The following FAM13B variants were observed in gnomAD, a reference collection of about 807,000 sequenced individuals.
FAM13B encodes family with sequence similarity 13 member B.
Under a neutral mutation model 117.3 loss-of-function variants are expected in FAM13B, and 60 were observed. The observed-to-expected ratio is 0.51, with a 90% confidence interval of 0.42 to 0.63. The LOEUF (loss-of-function observed/expected upper bound fraction) is 0.63, where lower values mean the gene tolerates loss of function less well. Ranked by LOEUF, FAM13B falls within the 30% of genes least tolerant of loss-of-function variation. The pLI is 0.00. For synonymous variants in FAM13B, 332 were observed against 356.1 expected, an observed-to-expected ratio of 0.93 and a Z score of 0.76; for missense variants, 972 against 1,091.9, an observed-to-expected ratio of 0.89 and a Z score of 1.55.
At chr5:138,002,664 A>T (rs1202332505) in intron 7 of FAM13B, among the ~76,000 whole-genome samples, 34 of 120,288 alleles carry the variant, frequency 2.8e-4, no homozygotes, top group Admixed American at 6.9e-4. Context: ...TGTTCCCTCT[A>T]TTTTTTTTTT....
At chr5:138,026,111 A>G (rs1016205422) in intron 1 of FAM13B, among the ~76,000 whole-genome samples, 38 of 152,172 alleles carry the variant, frequency 2.5e-4, no homozygotes, top group African/African-American at 8.4e-4. Context: ...GACTTTAACT[A>G]TATCAACTCA....
intron 10 of FAM13B, among the ~76,000 whole-genome samples, chr5:137,970,080 C>A (rs1771577948): frequency 1.3e-5 from 2 of 151,936 alleles, no homozygotes; most frequent in African/African-American, 2.4e-5. Flanking sequence ...GCAAGGCAGG[C>A]CAACGTTCAG....
At chr5:137,978,503 GA>G (rs766022340) in intron 10 of FAM13B, among the ~76,000 whole-genome samples, 177 of 139,336 alleles carry the variant, frequency 1.3e-3, no homozygotes, top group Admixed American at 1.4e-3. Context: ...CAAAGGCAAA[GA>G]AAAAAAAAAA....
intron 1 of FAM13B, among the ~76,000 whole-genome samples, chr5:138,028,388 T>C (rs2151054571): frequency 6.6e-6 from 1 of 152,312 alleles, no homozygotes; most frequent in Non-Finnish European, 1.5e-5. Context: ...ATACACTTCA[T>C]TTTTTCAGGT....
chr5:137,971,690 A>T (rs1339897169), intron 10 of FAM13B, among the ~76,000 whole-genome samples: 1 of 151,458 alleles, frequency 6.6e-6, no homozygotes, highest in Non-Finnish European at 1.5e-5. Context: ...TTTTGAAAGG[A>T]TCAACAAAAT....
chr5:138,018,851 T>C (rs1785894379), intron 3 of FAM13B, 104 bp downstream of exon 3: 1 of 891,588 alleles, frequency 1.1e-6, no homozygotes, highest in Non-Finnish European at 1.7e-6. Flanking sequence ...TCCTATGTTT[T>C]GGACTTTCCA....
intron 10 of FAM13B, among the ~76,000 whole-genome samples, chr5:137,969,583 A>T (rs1424074047): frequency 6.6e-6 from 1 of 152,262 alleles, no homozygotes; most frequent in East Asian, 1.9e-4. Context: ...GCAGTTCCTC[A>T]CCAGCAACGG....
chr5:137,961,564 G>A (rs905490341), intron 11 of FAM13B, among the ~76,000 whole-genome samples: 1 of 152,168 alleles, frequency 6.6e-6, no homozygotes, highest in South Asian at 2.1e-4. Context: ...CTCCAGAGAC[G>A]TGGCTCCAAA....
At chr5:138,020,957 G>T in intron 2 of FAM13B, 74 bp downstream of exon 2, 1 of 984,788 alleles carries the variant, frequency 1.0e-6, no homozygotes, top group Non-Finnish European at 1.3e-6. Context: ...AAATCAAATA[G>T]CAGCTACAGG....
At chr5:137,952,363 C>T (rs569888294) in intron 17 of FAM13B, among the ~76,000 whole-genome samples, 2 of 152,162 alleles carry the variant, frequency 1.3e-5, no homozygotes, top group South Asian at 4.1e-4. Flanking sequence ...TATTAATATA[C>T]AATCTCAGGT....
At chr5:137,995,845 A>AT (rs925248143) in intron 7 of FAM13B, among the ~76,000 whole-genome samples, 4 of 152,152 alleles carry the variant, frequency 2.6e-5, no homozygotes, top group East Asian at 3.9e-4. Context: ...TACTTAAAAC[A>AT]TTTTTTTTAA....
At chr5:138,019,200 T>C in intron 2 of FAM13B, 54 bp from the exon 3 acceptor site, 5 of 1,493,800 alleles carry the variant, frequency 3.3e-6, no homozygotes, top group Non-Finnish European at 4.5e-6. Context: ...GGTGGCAATA[T>C]GACTAGATAC....
At chr5:137,977,925 A>G (rs1191274324) in intron 10 of FAM13B, among the ~76,000 whole-genome samples, 2 of 152,206 alleles carry the variant, frequency 1.3e-5, no homozygotes, top group African/African-American at 4.8e-5. Context: ...ATCATCCACA[A>G]TCTATCAGAC....
chr5:138,033,078 C>T lies in FAM13B; in HGVS notation c.-499G>A, dbSNP rs1021245246. The T allele has an allele frequency of 3.1e-6, 3 of 976,366 alleles. No individual in the cohort carries two copies. The highest frequency in any genetic ancestry group is 1.3e-4 in the East Asian group (1 of 7,860). 60.5% of individuals were successfully genotyped at this position (976,366 alleles called of 1,614,324 possible). A position where few individuals can be genotyped will look rare whatever the true frequency, so the allele number is the denominator to read the frequency against. ...CTAACGGCGAGCGGGAGGAGAGCGG[C>T]TGGCGGGCGGAGGCCGGGCCGGACG... On this transcript the variant is annotated 5_prime_UTR_variant, in exon 1 of 24. Coordinates refer to ENST00000689681, the MANE Select transcript of FAM13B (RefSeq NM_001385994.1).
intron 4 of FAM13B, among the ~76,000 whole-genome samples, chr5:138,016,109 G>A (rs997647150): frequency 3.3e-5 from 5 of 152,174 alleles, no homozygotes; most frequent in Non-Finnish European, 5.9e-5. Flanking sequence ...GTAATTCCAT[G>A]AATATCAACA....
intron 5 of FAM13B, 55 bp downstream of exon 5, chr5:138,011,713 C>T (rs901564788): frequency 1.0e-5 from 14 of 1,351,606 alleles, no homozygotes; most frequent in Non-Finnish European, 7.2e-6. Context: ...CCACCGTGCC[C>T]GGCCTCACAT....
intron 14 of FAM13B, among the ~76,000 whole-genome samples, chr5:137,955,945 T>A (rs899530801): frequency 6.6e-6 from 1 of 152,146 alleles, no homozygotes; most frequent in Non-Finnish European, 1.5e-5. Flanking sequence ...TTTTTTTAAG[T>A]AACTACACTT....
chr5:138,016,180 T>C (rs1335873238), intron 4 of FAM13B, among the ~76,000 whole-genome samples: 1 of 152,212 alleles, frequency 6.6e-6, no homozygotes, highest in Non-Finnish European at 1.5e-5. Flanking sequence ...ACTGAAACTT[T>C]TTCAAATAGG....
chr5:138,014,913 T>C (rs1308412298), intron 4 of FAM13B, among the ~76,000 whole-genome samples: 1 of 152,216 alleles, frequency 6.6e-6, no homozygotes, highest in Non-Finnish European at 1.5e-5. Flanking sequence ...AGTTAAATCA[T>C]ATCCAAGGAA....
Sources: allele counts gnomAD v4.1 joint callset (sites outside exome capture counted in the v4.1 genomes callset), GRCh38; gene constraint gnomAD v4.1.1; transcripts MANE v1.5; gene names NCBI Gene and HGNC (gene_info 2026-07-23, HGNC 2026-07-21).